Variants in DDX47 observed in about 807,000 individuals in gnomAD.
DDX47 encodes DEAD-box helicase 47, also known as probable ATP-dependent RNA helicase DDX47.
In DDX47, 60 loss-of-function variants were observed where a neutral mutation model predicts 58.8. The ratio of observed to expected loss-of-function variants is 1.02; its 90% CI spans 0.83 to 1.26. DDX47 has a LOEUF of 1.26. Among genes scored for constraint, DDX47 ranks in the 50% most tolerant of loss-of-function variants. The pLI, the probability that DDX47 is intolerant of heterozygous loss-of-function variation, is 0.00. For missense variants in DDX47, 530 were observed against 573.2 expected, an observed-to-expected ratio of 0.92 and a Z score of 0.77; for synonymous variants, 197 against 204.6, an observed-to-expected ratio of 0.96 and a Z score of 0.32.
intron 4 of DDX47, 24 bp downstream of exon 4, chr12:12,821,750 GAC>G (rs1565447128): frequency 1.9e-6 from 3 of 1,557,252 alleles, no homozygotes; most frequent in East Asian, 4.5e-5. Flanking sequence ...AAAGGTAAAA[GAC>G]ACTGGCAGTG....
At chr12:12,825,966 T>G (rs1351386582) in intron 9 of DDX47, 34 bp from the exon 10 acceptor site, 2 of 1,567,366 alleles carry the variant, frequency 1.3e-6, no homozygotes, top group East Asian at 4.6e-5. Context: ...TTATAATCCA[T>G]ATAACTTGAA....
intron 10 of DDX47, among the ~76,000 whole-genome samples, chr12:12,826,881 C>T (rs1043828891): frequency 1.3e-5 from 2 of 152,096 alleles, no homozygotes; most frequent in South Asian, 2.1e-4. Context: ...CCTCAGTCTC[C>T]TGAATGGCTG....
At chr12:12,828,574 T>C (rs1863088368) in intron 11 of DDX47, among the ~76,000 whole-genome samples, 1 of 152,230 alleles carries the variant, frequency 6.6e-6, no homozygotes, top group Admixed American at 6.5e-5. Flanking sequence ...TCTGGAGTTC[T>C]GGTCTGAGGG....
At chr12:12,824,188 T>A in intron 8 of DDX47, 172 bp downstream of exon 8, 1 of 801,314 alleles carries the variant, frequency 1.2e-6, no homozygotes, top group Non-Finnish European at 1.9e-6. Flanking sequence ...CCTTTCAGGG[T>A]AGCGAGAGGC....
chr12:12,813,967 G>GCTA (rs1035503862), intron 1 of DDX47, among the ~76,000 whole-genome samples, 164 bp from the exon 2 acceptor site: 9 of 152,222 alleles, frequency 5.9e-5, no homozygotes. Flanking sequence ...TAAGTCTTGA[G>GCTA]CTACTGTCTC....
rs1345672377 is a variant in DDX47 at position 12,813,445 on chromosome 12, T to G, written c.78T>G (p.Phe26Leu). ...PIVEEEETKTFKDLGVTDVLC... is the reference protein window; with the variant it reads ...PIVEEEETKTLKDLGVTDVLC... ...TGGAAGAGGAGGAAACTAAAACATTTAAAGACCTGGTGAGAATGGATGACG... is the reference window on the plus strand; with the variant it reads ...TGGAAGAGGAGGAAACTAAAACATTGAAAGACCTGGTGAGAATGGATGACG... Residue 26 changes from phenylalanine to leucine, a missense_variant, in exon 1 of 12, where the codon TTT becomes TTG. By Grantham distance (22) the Phe-to-Leu change is conservative (BLOSUM62 0). Transcript: ENST00000358007. 6.2e-7 allele frequency: 1 copy of G among 1,610,310 alleles called. No homozygotes were observed. The highest frequency in any genetic ancestry group is 8.5e-7 in the Non-Finnish European group (1 of 1,178,244).
intron 4 of DDX47, 82 bp from the exon 5 acceptor site, chr12:12,821,883 A>G: frequency 4.2e-6 from 5 of 1,185,740 alleles, no homozygotes; most frequent in Admixed American, 2.0e-5. Flanking sequence ...GGTGGGGCAG[A>G]TAACTTTATT....
At chr12:12,826,451 CT>C (rs58109281) in intron 10 of DDX47, among the ~76,000 whole-genome samples, 5,368 of 144,390 alleles carry the variant, frequency 0.037, 314 homozygotes, top group African/African-American at 0.13. Flanking sequence ...CCCTCCTTTC[CT>C]TTTTTTTTTT....
intron 1 of DDX47, 104 bp from the exon 2 acceptor site, chr12:12,814,027 A>C (rs1015633943): frequency 1.3e-6 from 1 of 785,492 alleles, no homozygotes; most frequent in African/African-American, 1.7e-5. Context: ...ATACCTTTTA[A>C]ATCAAATACA....
In DDX47 at chr12:12,826,006, A is replaced by T; in HGVS notation, c.1042A>T (p.Ile348Phe). ...FDIPTHSKDY[I>F]HRVGRTARAG... ...TTTACCCTTTTTGTTTTAGGATTAC[A>T]TCCATCGAGTAGGTCGAACAGCTAG... Residue 348 changes from isoleucine (I) to phenylalanine (F), a missense_variant, in exon 10 of 12, where the codon ATC (isoleucine) becomes TTC (phenylalanine). Transcript: ENST00000358007. 1 of 1,611,930 alleles carries T rather than the reference A, an allele frequency of 6.2e-7. No individual in the cohort carries two copies. The highest frequency in any genetic ancestry group is 8.5e-7 in the Non-Finnish European group (1 of 1,179,074).
intron 1 of DDX47, chr12:12,813,657 T>G: frequency 1.7e-6 from 1 of 603,628 alleles, no homozygotes; most frequent in Non-Finnish European, 2.9e-6. Flanking sequence ...AGACCCCCTA[T>G]TTGCCCTATT....
At chr12:12,820,838 T>G (rs1862958587) in intron 2 of DDX47, 3 of 263,606 alleles carry the variant, frequency 1.1e-5, no homozygotes, top group South Asian at 8.2e-5. Flanking sequence ...TTCTCTTTCC[T>G]CTTACAGGAA....
Position 12,814,178 on chromosome 12 carries a change from A to G in DDX47, c.135A>G (p.Thr45=). 7 of 1,613,894 alleles carry G rather than the reference A, an allele frequency of 4.3e-6. No homozygotes were observed. The highest frequency in any genetic ancestry group is 1.3e-5 in the African/African-American group (1 of 75,034). ...LCEACDQLGW[T]KPTKIQIEAI... is the part of the protein sequence containing the mutation. ...AAGCTTGTGACCAGTTGGGATGGAC[A>G]AAACCCACCAAGATCCAGATTGAAG... The change falls in exon 2 of 12, where the codon ACA becomes ACG. Residue 45 remains threonine, a synonymous_variant. Coordinates refer to ENST00000358007, the MANE Select transcript of DDX47 (RefSeq NM_016355.4).
intron 10 of DDX47, 110 bp from the exon 11 acceptor site, chr12:12,827,136 A>G (rs1213944753): frequency 7.6e-6 from 10 of 1,321,078 alleles, no homozygotes; most frequent in East Asian, 2.3e-5. Context: ...TATGTTCAAT[A>G]TTGTTTAAAC....
At position 12,829,336 on chromosome 12, in the gene DDX47, C is replaced by T. The variant is rs1863096888; in HGVS notation, c.1237-87C>T. On this transcript the variant is annotated intron_variant, in intron 11 of 11. Transcript: ENST00000358007. ...TCAGGCATCAGCAAGTTACTTGATA[C>T]TTGATCTTAAGGAGAGGGGACTAGA... 2.8e-6 allele frequency: 4 copies of T among 1,429,028 alleles called. No individual in the cohort carries two copies. In the East Asian group the frequency reaches 7.3e-5, roughly 26 times the overall value. The allele number at this position is 1,429,028 out of a possible 1,614,324, so 88.5% of individuals were successfully genotyped here.
At chr12:12,825,431 C>T (rs1863038005) in intron 9 of DDX47, among the ~76,000 whole-genome samples, 1 of 152,172 alleles carries the variant, frequency 6.6e-6, no homozygotes, top group South Asian at 2.1e-4. Context: ...CAGTCTTCCA[C>T]CTGTGATAAT....
Position 12,822,007 on chromosome 12 carries a change from G to A in DDX47, c.485G>A (p.Gly162Asp). The change falls in exon 5 of 12, where the codon GGT (glycine) becomes GAT (aspartate). Residue 162 changes from glycine to aspartate, a missense_variant. Transcript: ENST00000358007. ...ATTGACCACTTGGAAAATACGAAAG[G>A]TTTCAACTTGAGAGCTCTCAAATAC... ...RLIDHLENTK[G>D]FNLRALKYLV... is the part of the protein sequence containing the mutation. 6.2e-7 allele frequency: 1 copy of A among 1,613,898 alleles called. No homozygotes were observed. Among genetic ancestry groups the A allele is most frequent in the Non-Finnish European group, 8.5e-7 (1 of 1,179,954 alleles).
intron 11 of DDX47, among the ~76,000 whole-genome samples, chr12:12,828,133 C>T (rs538000462): frequency 2.0e-5 from 3 of 152,216 alleles, no homozygotes; most frequent in African/African-American, 7.2e-5. Context: ...GCTGGGATTA[C>T]AGGCTTGAGC....
At chr12:12,816,455 A>G (rs74339270) in intron 2 of DDX47, among the ~76,000 whole-genome samples, 19,038 of 152,170 alleles carry the variant, frequency 0.13, 1,276 homozygotes, top group African/African-American at 0.17. Flanking sequence ...TGCATTGTAT[A>G]CCATAAGTAT....
Sources: gnomAD v4.1 joint callset for allele counts (sites outside exome capture counted in the v4.1 genomes callset) on GRCh38, gnomAD v4.1.1 for gene constraint, MANE v1.5 for transcripts, NCBI Gene and HGNC (gene_info 2026-07-23, HGNC 2026-07-21) for gene names.